VPS54: variants seen among roughly 807,000 people sequenced by gnomAD.
VPS54 encodes the protein VPS54 subunit of GARP complex.
Under a neutral mutation model 121.5 loss-of-function variants are expected in VPS54, and 45 were observed. The observed-to-expected ratio is 0.37, with a 90% confidence interval of 0.29 to 0.47. The LOEUF (loss-of-function observed/expected upper bound fraction) is 0.47. VPS54 is among the 20% of genes least tolerant of loss of function. The pLI is 0.99. For missense variants in VPS54, 1,090 were observed against 1,131.4 expected, an observed-to-expected ratio of 0.96 and a Z score of 0.52; for synonymous variants, 371 against 385.8, an observed-to-expected ratio of 0.96 and a Z score of 0.45.
chr2:63,975,543 G>A, intron 3 of VPS54: 1 of 153,138 alleles, frequency 6.5e-6, no homozygotes, highest in African/African-American at 2.4e-5. Flanking sequence ...CGGATCAGCT[G>A]GTACCACCCA....
chr2:63,984,048 G>C (rs202135427), intron 1 of VPS54, 29 bp from the exon 2 acceptor site: 1 of 1,522,766 alleles, frequency 6.6e-7, no homozygotes, highest in Non-Finnish European at 8.9e-7. Flanking sequence ...TACTAATTAA[G>C]ACACCGCAAA....
intron 8 of VPS54, 103 bp downstream of exon 8, chr2:63,948,934 G>A: frequency 6.9e-7 from 1 of 1,442,058 alleles, no homozygotes; most frequent in Non-Finnish European, 9.2e-7. Context: ...GATAGCCCTT[G>A]AAATTTAAGA....
At chr2:63,898,909 T>C (rs900712039) in intron 21 of VPS54, among the ~76,000 whole-genome samples, 1 of 152,108 alleles carries the variant, frequency 6.6e-6, no homozygotes, top group Non-Finnish European at 1.5e-5. Flanking sequence ...ATAATACTTT[T>C]GTAAGGGAAT....
At chr2:64,012,334 T>C (rs1308857753) in intron 1 of VPS54, among the ~76,000 whole-genome samples, 1 of 152,034 alleles carries the variant, frequency 6.6e-6, no homozygotes, top group African/African-American at 2.4e-5. Flanking sequence ...AGCAATTCTT[T>C]CACTTATTTA....
Position 63,913,104 on chromosome 2 carries a change from T to A in VPS54, c.2422+119A>T, listed in dbSNP as rs372869018. The stretch of plus-strand genomic sequence containing the variant: ...ACATAAAAGAGTAAGTAGCATTTAT[T>A]TTTAGAGTAATGCCACTTTGGTTAG... On this transcript the variant is annotated intron_variant, in intron 18 of 22. Transcript: ENST00000272322. 1.4e-5 allele frequency: 11 copies of A among 782,568 alleles called. No individual in the cohort carries two copies. The African/African-American group carries it at 2.0e-4, about 14-fold the overall frequency. 48.5% of individuals were successfully genotyped at this position (782,568 alleles called of 1,614,324 possible). A position where few individuals can be genotyped will look rare whatever the true frequency, so the allele number is the denominator to read the frequency against.
rs1676812093 is a variant in VPS54 at position 63,981,789 on chromosome 2, C to T, written c.235G>A (p.Asp79Asn). ...SKVNLPAALN[D>N]PRLAKRESDF... ...GATTCTCTTTTTGCTAATCTAGGAT[C>T]GTTTAATGCTGCTGGGAGATTTACT... Residue 79 changes from aspartate to asparagine, a missense_variant, in exon 3 of 23, where the codon GAT becomes AAT. Asp to Asn is a conservative substitution (Grantham distance 23). Transcript: ENST00000272322. The T allele has an allele frequency of 1.9e-6, 3 of 1,613,560 alleles. No homozygotes were observed. Among genetic ancestry groups the T allele is most frequent in the Non-Finnish European group, 2.5e-6 (3 of 1,179,790 alleles).
intron 1 of VPS54, among the ~76,000 whole-genome samples, chr2:63,988,523 T>C (rs887464895): frequency 1.3e-5 from 2 of 152,210 alleles, no homozygotes; most frequent in African/African-American, 2.4e-5. Flanking sequence ...GAAAATTTCA[T>C]GGACATTTGT....
chr2:64,013,778 T>C (rs1181121836), intron 1 of VPS54, among the ~76,000 whole-genome samples: 5 of 150,680 alleles, frequency 3.3e-5, no homozygotes, highest in Non-Finnish European at 7.4e-5. Flanking sequence ...ATTCTGAATA[T>C]TGTCTGCAAC....
intron 4 of VPS54, among the ~76,000 whole-genome samples, chr2:63,970,393 C>T (rs1424756442): frequency 6.8e-6 from 1 of 147,518 alleles, no homozygotes; most frequent in African/African-American, 2.5e-5. Context: ...AGTCAAATGC[C>T]TCTTACCCGA....
rs183911035 is a variant in VPS54 at position 63,979,373 on chromosome 2, G to A, written c.378+2273C>T. On this transcript the variant is annotated intron_variant, in intron 3 of 22. Transcript: ENST00000272322. Reference sequence around the variant, plus strand: ...TCCCACTTCAGCCTCCTGAGTAGCTGGGATTACAGGCACCTGCCATCATGC... The same window carrying A: ...TCCCACTTCAGCCTCCTGAGTAGCTAGGATTACAGGCACCTGCCATCATGC... Among the ~76,000 whole-genome samples, 135 of 151,838 alleles carry A rather than the reference G, an allele frequency of 8.9e-4. No individual in the cohort carries two copies. The Middle Eastern group carries it at 0.031, about 34-fold the overall frequency.
chr2:63,943,727 C>CTTTCTTT lies in VPS54; in HGVS notation c.1301+872_1301+873insAAAGAAA, dbSNP rs34858643. ...TTTTCTTTTCTTTCTTTCTTTCTTT[C>CTTTCTTT]TTTTTTTTTTTTTTTGAGACAGGCT... On this transcript the variant is annotated intron_variant, in intron 10 of 22. Transcript: ENST00000272322. 1.9e-3 allele frequency among the ~76,000 whole-genome samples: 252 copies of CTTTCTTT among 129,592 alleles called. 1 individual carries two copies. Among genetic ancestry groups the CTTTCTTT allele is most frequent in the African/African-American group, 6.9e-3 (229 of 33,394 alleles). 85.0% of individuals were successfully genotyped at this position (129,592 alleles called of 152,430 possible).
At chr2:63,920,085 A>C in intron 14 of VPS54, 90 bp from the exon 15 acceptor site, 2 of 1,081,238 alleles carry the variant, frequency 1.8e-6, no homozygotes, top group Non-Finnish European at 2.6e-6. Flanking sequence ...GAGCTGAGTG[A>C]GAACATAAGA....
intron 10 of VPS54, 90 bp downstream of exon 10, chr2:63,944,510 T>C: frequency 7.8e-7 from 1 of 1,284,936 alleles, no homozygotes; most frequent in Non-Finnish European, 1.1e-6. Context: ...AGTAAATAAT[T>C]CCTTAACGAA....
chr2:63,948,046 G>C (rs1241840109), intron 8 of VPS54, among the ~76,000 whole-genome samples: 2 of 152,060 alleles, frequency 1.3e-5, no homozygotes, highest in East Asian at 1.9e-4. Context: ...GCCCAGGCTG[G>C]TCTCAAATTC....
Position 63,981,628 on chromosome 2 carries a change from G to A in VPS54, c.378+18C>T, listed in dbSNP as rs1214964241. On this transcript the variant is annotated intron_variant, in intron 3 of 22. Transcript: ENST00000272322. ...ATTACTTTTGACCTGACTGTAACTAGCCAAGATTAGATATTACCTGAGAGA... is the reference window on the plus strand; with the variant it reads ...ATTACTTTTGACCTGACTGTAACTAACCAAGATTAGATATTACCTGAGAGA... The A allele has an allele frequency of 6.5e-6, 10 of 1,547,556 alleles. No homozygotes were observed. The highest frequency in any genetic ancestry group is 8.7e-6 in the Non-Finnish European group (10 of 1,148,840).
chr2:64,018,672 G>A (rs543263328), intron 1 of VPS54, among the ~76,000 whole-genome samples: 2 of 150,566 alleles, frequency 1.3e-5, no homozygotes, highest in Non-Finnish European at 2.9e-5. Flanking sequence ...AGAGGGGCAA[G>A]AGCGGCGTTT....
intron 8 of VPS54, among the ~76,000 whole-genome samples, chr2:63,948,379 C>T (rs76921330): frequency 0.062 from 9,125 of 148,008 alleles, 346 homozygotes; most frequent in African/African-American, 0.11. Context: ...ATTTGAATGA[C>T]GGGTAATTAC....
chr2:63,947,005 T>G (rs1675008154), intron 9 of VPS54, among the ~76,000 whole-genome samples: 1 of 151,958 alleles, frequency 6.6e-6, no homozygotes, highest in South Asian at 2.1e-4. Flanking sequence ...ATAAACAACC[T>G]AAATATTCAA....
intron 1 of VPS54, among the ~76,000 whole-genome samples, chr2:64,016,996 G>T (rs1356304998): frequency 7.0e-6 from 1 of 142,578 alleles, no homozygotes; most frequent in Non-Finnish European, 1.5e-5. Context: ...GCAGGAAAGA[G>T]GAATTGTAAT....
Sources: gnomAD v4.1 joint callset for allele counts (sites outside exome capture counted in the v4.1 genomes callset) on GRCh38, gnomAD v4.1.1 for gene constraint, MANE v1.5 for transcripts, NCBI Gene and HGNC (gene_info 2026-07-23, HGNC 2026-07-21) for gene names.